Variants in DYRK1A observed in about 807,000 individuals in gnomAD.
DYRK1A encodes the protein dual specificity tyrosine-phosphorylation-regulated kinase 1A.
In DYRK1A, 9 loss-of-function variants were observed where a neutral mutation model predicts 79.7. The observed-to-expected ratio is 0.11, with a 90% CI of 0.07 to 0.20. DYRK1A has a LOEUF of 0.20. DYRK1A is among the 10% of genes least tolerant of loss of function. The pLI, the probability that DYRK1A is intolerant of heterozygous loss-of-function variation, is 1.00. For missense variants in DYRK1A, 622 were observed against 956.0 expected (o/e 0.65, Z 4.61); for synonymous variants, 349 against 329.7 (o/e 1.06, Z -0.63).
chr21:37,417,386 G>A (rs1456647685), intron 1 of DYRK1A, among the ~76,000 whole-genome samples: 1 of 151,920 alleles, frequency 6.6e-6, no homozygotes, highest in East Asian at 1.9e-4. Flanking sequence ...TGGAGATGGG[G>A]TTTCTCCATG....
At chr21:37,452,556 T>C (rs1361798317) in intron 2 of DYRK1A, among the ~76,000 whole-genome samples, 1 of 152,116 alleles carries the variant, frequency 6.6e-6, no homozygotes, top group Non-Finnish European at 1.5e-5. Context: ...TTGGAATCTT[T>C]TCTATAGCAG....
intron 1 of DYRK1A, among the ~76,000 whole-genome samples, chr21:37,406,902 A>T (rs1376473016): frequency 2.0e-5 from 3 of 149,086 alleles, no homozygotes; most frequent in Non-Finnish European, 4.4e-5. Flanking sequence ...TATTTAGAAA[A>T]AATTCTTTTT....
intron 3 of DYRK1A, among the ~76,000 whole-genome samples, chr21:37,473,328 A>G (rs2148558007): frequency 6.6e-6 from 1 of 152,332 alleles, no homozygotes; most frequent in South Asian, 2.1e-4. Flanking sequence ...GATGTATGCA[A>G]ATTAACCGTG....
intron 8 of DYRK1A, among the ~76,000 whole-genome samples, chr21:37,495,809 A>AT (rs1569384936): frequency 1.3e-5 from 2 of 151,856 alleles, no homozygotes; most frequent in African/African-American, 2.4e-5. Context: ...AATAAAAAAA[A>AT]TTTTTTTAAT....
chr21:37,400,866 C>A (rs1237139606), intron 1 of DYRK1A, among the ~76,000 whole-genome samples: 1 of 152,046 alleles, frequency 6.6e-6, no homozygotes, highest in Non-Finnish European at 1.5e-5. Context: ...AAATAGGGGC[C>A]AGGTGCAGTG....
intron 2 of DYRK1A, chr21:37,421,893 G>C (rs2050485853): frequency 6.6e-6 from 1 of 152,010 alleles, no homozygotes; most frequent in Non-Finnish European, 1.5e-5. Context: ...AGTATTTTTG[G>C]GGTATCTCAT....
chr21:37,405,863 G>A lies in DYRK1A; in HGVS notation c.-76-14436G>A, dbSNP rs192937802. 9.2e-5 allele frequency among the ~76,000 whole-genome samples: 14 copies of A among 152,266 alleles called. No individual in the cohort carries two copies. The East Asian group carries it at 2.5e-3, about 27-fold the overall frequency. On this transcript the variant is annotated intron_variant, in intron 1 of 11. Transcript: ENST00000647188. ...TCACTCTACATCTTCAGTGCTGGAC[G>A]TCATCCAGTGTCATGGCATCATGTG... is the stretch of plus-strand genomic sequence containing the variant.
intron 1 of DYRK1A, among the ~76,000 whole-genome samples, chr21:37,380,538 C>T (rs565909626): frequency 1.3e-5 from 2 of 152,024 alleles, no homozygotes; most frequent in South Asian, 4.2e-4. Context: ...AAGGGAGAAG[C>T]CAGGCGTTTT....
At chr21:37,441,272 T>C (rs993385048) in intron 2 of DYRK1A, among the ~76,000 whole-genome samples, 2 of 152,188 alleles carry the variant, frequency 1.3e-5, no homozygotes, top group Admixed American at 1.3e-4. Flanking sequence ...TTAATGTCTT[T>C]GTATTAGAAA....
At chr21:37,383,633 T>C (rs751001603) in intron 1 of DYRK1A, among the ~76,000 whole-genome samples, 1 of 152,212 alleles carries the variant, frequency 6.6e-6, no homozygotes, top group Non-Finnish European at 1.5e-5. Context: ...ATTAGTTTGC[T>C]GAATTTGAGT....
intron 5 of DYRK1A, 193 bp from the exon 6 acceptor site, chr21:37,486,260 TAAAAGATTGATTTA>T: frequency 5.8e-6 from 2 of 347,462 alleles, no homozygotes; most frequent in East Asian, 8.9e-5. Context: ...AAATTCAATT[TAAAAGATTGATTTA>T]AAGTTACTGT....
chr21:37,471,691 G>A (rs2052230103), intron 2 of DYRK1A, among the ~76,000 whole-genome samples: 1 of 152,184 alleles, frequency 6.6e-6, no homozygotes, highest in South Asian at 2.1e-4. Flanking sequence ...CAACCTGGCT[G>A]AGAGTCTGTG....
At chr21:37,460,553 C>T (rs1436363713) in intron 2 of DYRK1A, among the ~76,000 whole-genome samples, 1 of 152,194 alleles carries the variant, frequency 6.6e-6, no homozygotes, top group African/African-American at 2.4e-5. Flanking sequence ...TTTAATTTCA[C>T]CTCCAGACTT....
At chr21:37,376,973 G>A (rs1038254212) in intron 1 of DYRK1A, among the ~76,000 whole-genome samples, 3 of 152,084 alleles carry the variant, frequency 2.0e-5, no homozygotes, top group Non-Finnish European at 4.4e-5. Flanking sequence ...AGTATGTATT[G>A]TGTTAGAAAA....
rs760555688 is a variant in DYRK1A, at chr21:37,512,547, A to T, written c.*16A>T. ...TAGCTCGTGACTACATTGAAACTTG[A>T]GTTTGTTTCTTGTGTGTTTTTATAG... is the stretch of plus-strand genomic sequence containing the variant. On this transcript the variant is annotated 3_prime_UTR_variant, in exon 12 of 12. Transcript: ENST00000647188. 7 of 1,600,894 alleles carry T rather than the reference A, an allele frequency of 4.4e-6. No individual in the cohort carries two copies. The highest frequency in any genetic ancestry group is 5.1e-6 in the Non-Finnish European group (6 of 1,171,270).
chr21:37,521,383 G>A lies in DYRK1A; in HGVS notation c.*8852G>A, dbSNP rs771069871. 6.6e-6 allele frequency: 1 copy of A among 152,228 alleles called. No homozygotes were observed. The highest frequency in any genetic ancestry group is 1.5e-5 in the Non-Finnish European group (1 of 68,056). The allele number at this position is 152,228 out of a possible 1,614,324, so 9.4% of individuals were successfully genotyped here. Reference sequence around the variant, plus strand: ...AAAAATGAACAAAAAGTCCTACCCTGAAGAAGAAGAATGTCTTACCAGCAA... The same window carrying A: ...AAAAATGAACAAAAAGTCCTACCCTAAAGAAGAAGAATGTCTTACCAGCAA... On this transcript the variant is annotated 3_prime_UTR_variant, in exon 12 of 12. Coordinates refer to ENST00000647188, the MANE Select transcript of DYRK1A (RefSeq NM_001347721.2).
At chr21:37,444,630 G>GA (rs1282938324) in intron 2 of DYRK1A, among the ~76,000 whole-genome samples, 1 of 132,140 alleles carries the variant, frequency 7.6e-6, no homozygotes, top group Admixed American at 7.7e-5. Flanking sequence ...TTAGTCATGG[G>GA]TGAGGATGAA....
At chr21:37,452,751 A>G (rs1469929660) in intron 2 of DYRK1A, among the ~76,000 whole-genome samples, 1 of 116,340 alleles carries the variant, frequency 8.6e-6, no homozygotes, top group Non-Finnish European at 1.7e-5. Flanking sequence ...CTGATCTCAC[A>G]CTCCCGTTTT....
intron 1 of DYRK1A, among the ~76,000 whole-genome samples, chr21:37,392,583 G>A (rs887214293): frequency 1.3e-5 from 2 of 152,180 alleles, no homozygotes; most frequent in Non-Finnish European, 2.9e-5. Flanking sequence ...GCCTCTTGCC[G>A]TGTCCTCACA....
Sources: allele counts gnomAD v4.1 joint callset (sites outside exome capture counted in the v4.1 genomes callset), GRCh38; gene constraint gnomAD v4.1.1; transcripts MANE v1.5; gene names NCBI Gene and HGNC (gene_info 2026-07-23, HGNC 2026-07-21).